CCSER1: variants seen among roughly 807,000 people sequenced by gnomAD.
CCSER1 encodes the protein serine-rich coiled-coil domain-containing protein 1.
CCSER1 carries 41 observed loss-of-function variants against 82.0 expected under a neutral mutation model. The observed-to-expected ratio is 0.50, with a 90% CI of 0.39 to 0.65. CCSER1 has a LOEUF of 0.65. CCSER1 is among the 30% of genes least tolerant of loss of function. CCSER1 has a pLI of 0.00. For synonymous variants in CCSER1, 414 were observed against 383.9 expected, an observed-to-expected ratio of 1.08 and a Z score of -0.92; for missense variants, 1,119 against 1,064.2, an observed-to-expected ratio of 1.05 and a Z score of -0.72.
intron 9 of CCSER1, among the ~76,000 whole-genome samples, chr4:91,025,195 AT>A (rs1253345592): frequency 6.6e-6 from 1 of 152,072 alleles, no homozygotes; most frequent in Non-Finnish European, 1.5e-5. Flanking sequence ...TGTAATTTCT[AT>A]TTTTTTATGG....
intron 6 of CCSER1, among the ~76,000 whole-genome samples, chr4:90,690,566 T>C (rs1285097843): frequency 6.6e-6 from 1 of 152,138 alleles, no homozygotes; most frequent in Admixed American, 6.6e-5. Context: ...TCTACAGTTT[T>C]ATAAGTTCCT....
In CCSER1 at chr4:91,450,749, C is replaced by T. The variant is rs1363192920; in HGVS notation, c.2218-147823C>T. Among the ~76,000 whole-genome samples, 3 of 151,952 alleles carry T rather than the reference C, an allele frequency of 2.0e-5. No homozygotes were observed. In the East Asian group the frequency reaches 5.8e-4, roughly 29 times the overall value. On this transcript the variant is annotated intron_variant, in intron 10 of 10. Transcript: ENST00000509176. ...GAGCTCAGAGGTCTGCTGAGGACTT[C>T]ACTCCGGTCTTCAGTTCGGTACTAA...
rs1036176516 is a variant in CCSER1, at chr4:91,427,467, A to G, written c.2218-171105A>G. On this transcript the variant is annotated intron_variant, in intron 10 of 10. Transcript: ENST00000509176. ...AGCCATTCAAGGATTCAGTTTTTCT[A>G]TCTGTAAACAATCCCATTAGACTGA... Among the ~76,000 whole-genome samples, 15 of 152,062 alleles carry G rather than the reference A, an allele frequency of 9.9e-5. 1 individual carries two copies. The highest frequency in any genetic ancestry group is 7.2e-4 in the Admixed American group (11 of 15,262).
intron 10 of CCSER1, among the ~76,000 whole-genome samples, chr4:91,196,111 C>G (rs73596195): frequency 6.7e-6 from 1 of 148,222 alleles, no homozygotes; most frequent in African/African-American, 2.5e-5. Context: ...GGCATGAACC[C>G]GGGAGGCGGA....
rs145266211 is a variant in CCSER1 at position 91,078,775 on chromosome 4, G to A, written c.2173-7175G>A. Among the ~76,000 whole-genome samples, 1,125 of 152,308 alleles carry A rather than the reference G, an allele frequency of 7.4e-3. 7 individuals are homozygous for A. Among genetic ancestry groups the A allele is most frequent in the Non-Finnish European group, 0.012 (807 of 68,018 alleles). On this transcript the variant is annotated intron_variant, in intron 9 of 10. Coordinates refer to ENST00000509176, the MANE Select transcript of CCSER1 (RefSeq NM_001145065.2). ...CTGAAAACCATGGCACGAGAACTAC[G>A]TGATGAATGCACAAGCTTCAATAGC...
chr4:90,172,196 T>C (rs1348364076), intron 1 of CCSER1, among the ~76,000 whole-genome samples: 1 of 151,946 alleles, frequency 6.6e-6, no homozygotes, highest in Admixed American at 6.6e-5. Context: ...GTGAGTATTG[T>C]CTATAGTTAC....
chr4:91,450,556 A>G (rs1384326053), intron 10 of CCSER1, among the ~76,000 whole-genome samples: 4 of 152,060 alleles, frequency 2.6e-5, no homozygotes. Context: ...GGGCCCTACA[A>G]TTGTCCTGGC....
At chr4:91,203,789 A>C (rs1736123396) in intron 10 of CCSER1, among the ~76,000 whole-genome samples, 1 of 151,840 alleles carries the variant, frequency 6.6e-6, no homozygotes, top group Admixed American at 6.6e-5. Context: ...GATTCTGAAG[A>C]ATCAATACTA....
intron 10 of CCSER1, among the ~76,000 whole-genome samples, chr4:91,181,879 T>A (rs1209880376): frequency 6.6e-6 from 1 of 152,200 alleles, no homozygotes; most frequent in Admixed American, 6.5e-5. Flanking sequence ...TGTAACTGTG[T>A]CATAGAGTGA....
At chr4:90,837,067 T>G (rs147488909) in intron 8 of CCSER1, among the ~76,000 whole-genome samples, 41 of 152,214 alleles carry the variant, frequency 2.7e-4, no homozygotes, top group African/African-American at 9.1e-4. Flanking sequence ...ATTGTAAAAA[T>G]TGCTGTCATA....
At chr4:90,243,773 T>A (rs975072894) in intron 1 of CCSER1, among the ~76,000 whole-genome samples, 2 of 152,060 alleles carry the variant, frequency 1.3e-5, no homozygotes, top group Non-Finnish European at 2.9e-5. Flanking sequence ...AAAACGAAAA[T>A]GTGACATAAA....
chr4:91,073,667 G>A (rs933295391), intron 9 of CCSER1, among the ~76,000 whole-genome samples: 12 of 151,880 alleles, frequency 7.9e-5, no homozygotes, highest in Admixed American at 3.9e-4. Context: ...CAGAAACTAC[G>A]GAAGCTTAAA....
chr4:90,505,549 T>A (rs1485085169), intron 5 of CCSER1, among the ~76,000 whole-genome samples: 2 of 152,222 alleles, frequency 1.3e-5, no homozygotes, highest in Non-Finnish European at 2.9e-5. Flanking sequence ...TGAGGGCTGC[T>A]GCTGATTGGC....
intron 10 of CCSER1, among the ~76,000 whole-genome samples, chr4:91,283,241 T>C (rs980392335): frequency 6.6e-6 from 1 of 152,134 alleles, no homozygotes; most frequent in East Asian, 1.9e-4. Flanking sequence ...CATTCTAACT[T>C]TTATGCCCTT....
intron 8 of CCSER1, among the ~76,000 whole-genome samples, chr4:90,891,714 CAG>C (rs1722993005): frequency 1.3e-5 from 2 of 151,916 alleles, no homozygotes; most frequent in African/African-American, 4.8e-5. Flanking sequence ...TCTCTTTTAC[CAG>C]CTGGTTTCCT....
intron 10 of CCSER1, among the ~76,000 whole-genome samples, chr4:91,459,166 G>GA (rs1424938971): frequency 6.6e-6 from 1 of 151,892 alleles, no homozygotes; most frequent in Non-Finnish European, 1.5e-5. Context: ...ATTCTATAGT[G>GA]AAAAAGAAGC....
chr4:90,539,173 G>A (rs1016825547), intron 5 of CCSER1, among the ~76,000 whole-genome samples: 1 of 151,880 alleles, frequency 6.6e-6, no homozygotes, highest in Non-Finnish European at 1.5e-5. Flanking sequence ...GCAATATAGT[G>A]GCTTTCTTTT....
intron 1 of CCSER1, among the ~76,000 whole-genome samples, chr4:90,176,126 G>A (rs769200262): frequency 3.3e-5 from 5 of 151,912 alleles, no homozygotes; most frequent in Non-Finnish European, 5.9e-5. Flanking sequence ...AGGTTAAGAC[G>A]TCTTGGCAGT....
chr4:90,210,958 A>G (rs965013397), intron 1 of CCSER1, among the ~76,000 whole-genome samples: 1 of 151,792 alleles, frequency 6.6e-6, no homozygotes, highest in African/African-American at 2.4e-5. Context: ...TATGGGAGAG[A>G]TGTGATTTTT....
Sources: allele counts gnomAD v4.1 joint callset (sites outside exome capture counted in the v4.1 genomes callset), GRCh38; gene constraint gnomAD v4.1.1; transcripts MANE v1.5; gene names NCBI Gene and HGNC (gene_info 2026-07-23, HGNC 2026-07-21).